CDKAL1: variants seen among roughly 807,000 people sequenced by gnomAD.
The protein encoded by CDKAL1 is CDKAL1 threonylcarbamoyladenosine tRNA methylthiotransferase.
In CDKAL1, 32 loss-of-function variants were observed where a neutral mutation model predicts 68.2. The ratio of observed to expected loss-of-function variants is 0.47; its 90% confidence interval spans 0.35 to 0.63. The LOEUF is 0.63. Among genes scored for constraint, CDKAL1 ranks in the 30% least tolerant of loss-of-function variants. CDKAL1 has a pLI of 0.00. For missense variants in CDKAL1, 606 were observed against 696.7 expected, an observed-to-expected ratio of 0.87 and a Z score of 1.47; for synonymous variants, 234 against 244.3, an observed-to-expected ratio of 0.96 and a Z score of 0.39.
At chr6:20,950,967 C>CAA (rs1315056951) in intron 9 of CDKAL1, among the ~76,000 whole-genome samples, 1 of 91,598 alleles carries the variant, frequency 1.1e-5, no homozygotes. Context: ...GAAACAGTCT[C>CAA]AGAAAAAAAA....
chr6:20,901,233 C>T (rs1196207627), intron 9 of CDKAL1, among the ~76,000 whole-genome samples: 1 of 152,120 alleles, frequency 6.6e-6, no homozygotes, highest in Non-Finnish European at 1.5e-5. Flanking sequence ...CCTCCATTTG[C>T]AGAGTCTGTT....
At chr6:21,091,810 AT>A (rs1773019585) in intron 12 of CDKAL1, among the ~76,000 whole-genome samples, 1 of 148,900 alleles carries the variant, frequency 6.7e-6, no homozygotes, top group Non-Finnish European at 1.5e-5. Flanking sequence ...AGATCATCCT[AT>A]ATTGAGGCTC....
intron 5 of CDKAL1, among the ~76,000 whole-genome samples, chr6:20,734,280 G>A (rs1291072956): frequency 6.6e-6 from 1 of 151,904 alleles, no homozygotes; most frequent in East Asian, 1.9e-4. Context: ...CTAGAAAAGG[G>A]TACCTCTCTT....
intron 8 of CDKAL1, among the ~76,000 whole-genome samples, chr6:20,807,307 T>A (rs1776612824): frequency 3.3e-5 from 5 of 151,964 alleles, no homozygotes; most frequent in Admixed American, 3.3e-4. Flanking sequence ...CACTGCAACC[T>A]CCACCTTCTG....
At chr6:20,702,069 C>T (rs1402186498) in intron 5 of CDKAL1, among the ~76,000 whole-genome samples, 1 of 152,146 alleles carries the variant, frequency 6.6e-6, no homozygotes, top group African/African-American at 2.4e-5. Context: ...TCCTCTTCTT[C>T]CTTCTTTTCT....
rs142897768 is a variant in CDKAL1, at chr6:21,045,151, C to T, written c.1056-19897C>T. Among the ~76,000 whole-genome samples, 389 of 152,212 alleles carry T rather than the reference C, an allele frequency of 2.6e-3. 5 individuals are homozygous for T. The highest frequency in any genetic ancestry group is 8.9e-3 in the African/African-American group (370 of 41,518). Reference sequence around the variant, plus strand: ...CCATCATTCAAACCATAGCACTTGGCGAAATAGCACAGAAAAAGGACTATA... The same window carrying T: ...CCATCATTCAAACCATAGCACTTGGTGAAATAGCACAGAAAAAGGACTATA... On this transcript the variant is annotated intron_variant, in intron 11 of 15. Coordinates refer to ENST00000274695, the MANE Select transcript of CDKAL1 (RefSeq NM_017774.3).
chr6:20,644,249 G>C (rs1226479815), intron 4 of CDKAL1, among the ~76,000 whole-genome samples: 1 of 151,870 alleles, frequency 6.6e-6, no homozygotes, highest in Non-Finnish European at 1.5e-5. Context: ...AGTACCCAGA[G>C]TACAGCCTGG....
chr6:20,540,349 A>G (rs889223806), intron 2 of CDKAL1, among the ~76,000 whole-genome samples: 1 of 152,062 alleles, frequency 6.6e-6, no homozygotes, highest in Non-Finnish European at 1.5e-5. Context: ...CTGGGATTAC[A>G]AACATGAGCC....
intron 5 of CDKAL1, among the ~76,000 whole-genome samples, chr6:20,655,643 A>T (rs779270140): frequency 2.6e-5 from 4 of 152,198 alleles, no homozygotes; most frequent in Admixed American, 6.5e-5. Context: ...TAAGAATCTA[A>T]ACTAATGCTT....
chr6:21,089,421 A>C (rs1211787059), intron 12 of CDKAL1, among the ~76,000 whole-genome samples: 2 of 152,142 alleles, frequency 1.3e-5, no homozygotes. Context: ...AGGCTGCAGT[A>C]AGCTGTGATC....
At chr6:21,096,414 C>T (rs1773318911) in intron 12 of CDKAL1, among the ~76,000 whole-genome samples, 1 of 152,168 alleles carries the variant, frequency 6.6e-6, no homozygotes, top group Non-Finnish European at 1.5e-5. Flanking sequence ...CAATACTGGG[C>T]TCAAGCTCAG....
intron 12 of CDKAL1, among the ~76,000 whole-genome samples, chr6:21,088,249 C>A (rs958309820): frequency 6.6e-6 from 1 of 152,126 alleles, no homozygotes; most frequent in South Asian, 2.1e-4. Flanking sequence ...GGATCTGGGT[C>A]AACAGAGATC....
chr6:20,934,689 G>GA (rs960878250), intron 9 of CDKAL1, among the ~76,000 whole-genome samples: 49 of 151,468 alleles, frequency 3.2e-4, no homozygotes, highest in African/African-American at 9.2e-4. Flanking sequence ...TACAAAAACT[G>GA]AAAAAAAATT....
At chr6:20,792,616 T>C (rs1775944821) in intron 8 of CDKAL1, among the ~76,000 whole-genome samples, 1 of 152,216 alleles carries the variant, frequency 6.6e-6, no homozygotes, top group African/African-American at 2.4e-5. Flanking sequence ...GAGAACAAGA[T>C]ATGCAAGTAT....
At chr6:21,016,312 G>T (rs1340315994) in intron 11 of CDKAL1, among the ~76,000 whole-genome samples, 1 of 152,016 alleles carries the variant, frequency 6.6e-6, no homozygotes, top group Admixed American at 6.6e-5. Context: ...CCTAGTTCCA[G>T]AGCTGGTGCT....
intron 13 of CDKAL1, among the ~76,000 whole-genome samples, chr6:21,130,382 G>A (rs1170141587): frequency 2.0e-5 from 3 of 151,850 alleles, no homozygotes; most frequent in African/African-American, 7.3e-5. Context: ...CCGCCACCAC[G>A]CCCAGCTCAT....
chr6:20,781,436 C>A (rs1449820709), intron 8 of CDKAL1, among the ~76,000 whole-genome samples, 171 bp downstream of exon 8: 3 of 152,108 alleles, frequency 2.0e-5, no homozygotes, highest in Non-Finnish European at 4.4e-5. Flanking sequence ...ATGTAAACTA[C>A]ACTTATATTT....
At chr6:21,192,344 C>A (rs924617160) in intron 13 of CDKAL1, among the ~76,000 whole-genome samples, 1 of 152,090 alleles carries the variant, frequency 6.6e-6, no homozygotes, top group African/African-American at 2.4e-5. Flanking sequence ...CATAAAATAT[C>A]TTTAAATAAC....
At chr6:21,113,449 C>T (rs1774223076) in intron 13 of CDKAL1, among the ~76,000 whole-genome samples, 1 of 151,860 alleles carries the variant, frequency 6.6e-6, no homozygotes, top group Non-Finnish European at 1.5e-5. Flanking sequence ...GAGTTTGAGA[C>T]CAGCCTGGGC....
Sources: gnomAD v4.1 joint callset for allele counts (sites outside exome capture counted in the v4.1 genomes callset) on GRCh38, gnomAD v4.1.1 for gene constraint, MANE v1.5 for transcripts, NCBI Gene and HGNC (gene_info 2026-07-23, HGNC 2026-07-21) for gene names.